NUDT3: variants seen among roughly 807,000 people sequenced by gnomAD.
NUDT3 encodes the protein nudix hydrolase 3, also known as diphosphoinositol polyphosphate phosphohydrolase 1.
A neutral mutation model predicts 23.6 loss-of-function variants in NUDT3; 9 were observed. That is an observed-to-expected ratio of 0.38 (90% CI 0.23 to 0.66). The LOEUF is 0.66. NUDT3 is among the 30% of genes least tolerant of loss of function. The pLI is 0.52. For missense variants in NUDT3, 172 were observed against 218.5 expected (o/e 0.79, Z 1.34); for synonymous variants, 86 against 82.6 (o/e 1.04, Z -0.22).
chr6:34,293,555 GGATA>G lies in NUDT3; in HGVS notation c.256-24_256-21del. 1 of 1,613,824 alleles carries G rather than the reference GGATA, an allele frequency of 6.2e-7. No homozygotes were observed. The highest frequency in any genetic ancestry group is 1.7e-5 in the Admixed American group (1 of 60,004). ...CTGGTTCTGAAGGGCAAAGAGAGAA[GGATA>G]GAGAGAGTTTTTCCTTAGAAAGCTG... On this transcript the variant is annotated intron_variant, in intron 3 of 4. Coordinates refer to ENST00000607016, the MANE Select transcript of NUDT3 (RefSeq NM_006703.4).
In NUDT3 at chr6:34,392,582, C is replaced by A; in HGVS notation, c.-220G>T. ...CTGCCACCGTCACGGCTGCCGTCTC[C>A]GCTGCCGCCAGGGCCGCCGCCCCCT... On this transcript the variant is annotated 5_prime_UTR_variant, in exon 1 of 5. Transcript: ENST00000607016. 3.0e-6 allele frequency: 1 copy of A among 335,314 alleles called. No individual in the cohort carries two copies. The highest frequency in any genetic ancestry group is 4.8e-5 in the East Asian group (1 of 20,640). The allele number at this position is 335,314 out of a possible 1,614,324, so 20.8% of individuals were successfully genotyped here. A position where few individuals can be genotyped will look rare whatever the true frequency, so the allele number is the denominator to read the frequency against.
intron 2 of NUDT3, among the ~76,000 whole-genome samples, chr6:34,338,150 G>A (rs1764236074): frequency 6.6e-6 from 1 of 152,178 alleles, no homozygotes; most frequent in South Asian, 2.1e-4. Context: ...CATTATCCCA[G>A]GTCTGACAGG....
intron 2 of NUDT3, among the ~76,000 whole-genome samples, chr6:34,318,301 T>TA (rs1291364588): frequency 6.6e-6 from 1 of 152,186 alleles, no homozygotes; most frequent in Non-Finnish European, 1.5e-5. Flanking sequence ...GATGGGGTTG[T>TA]AAAAAAATTT....
chr6:34,291,339 T>C (rs766005282), intron 4 of NUDT3, among the ~76,000 whole-genome samples: 2 of 152,074 alleles, frequency 1.3e-5, no homozygotes, highest in Non-Finnish European at 2.9e-5. Context: ...GGGAAAGATA[T>C]CTAGCACAAG....
chr6:34,372,207 T>G (rs1181963941), intron 1 of NUDT3, among the ~76,000 whole-genome samples: 1 of 152,156 alleles, frequency 6.6e-6, no homozygotes, highest in South Asian at 2.1e-4. Flanking sequence ...TAAACATATG[T>G]GTGCATGTGT....
At chr6:34,389,298 T>G (rs942248376) in intron 1 of NUDT3, among the ~76,000 whole-genome samples, 2 of 152,220 alleles carry the variant, frequency 1.3e-5, no homozygotes, top group African/African-American at 4.8e-5. Flanking sequence ...GAGTTCCTCC[T>G]TCCCTTCTCT....
intron 1 of NUDT3, among the ~76,000 whole-genome samples, chr6:34,359,571 A>T (rs1377259770): frequency 6.6e-6 from 1 of 152,214 alleles, no homozygotes; most frequent in East Asian, 1.9e-4. Context: ...CATATTTGAA[A>T]AGTTCATCCA....
At chr6:34,357,938 T>C (rs964736508) in intron 1 of NUDT3, among the ~76,000 whole-genome samples, 1 of 152,212 alleles carries the variant, frequency 6.6e-6, no homozygotes, top group African/African-American at 2.4e-5. Flanking sequence ...TAGTTTTTAA[T>C]GTTTGTACTT....
At chr6:34,289,206 C>G (rs1451242491) in intron 4 of NUDT3, among the ~76,000 whole-genome samples, 1 of 152,198 alleles carries the variant, frequency 6.6e-6, no homozygotes, top group African/African-American at 2.4e-5. Context: ...CCTCCTGCGT[C>G]TCTGAGCTTT....
At chr6:34,352,994 ATTTTT>A (rs1228261650) in intron 1 of NUDT3, among the ~76,000 whole-genome samples, 1 of 152,130 alleles carries the variant, frequency 6.6e-6, no homozygotes, top group Non-Finnish European at 1.5e-5. Flanking sequence ...TCAAACATCT[ATTTTT>A]TTAATAGTAC....
chr6:34,337,103 A>T (rs17696811), intron 2 of NUDT3, among the ~76,000 whole-genome samples: 2,034 of 151,968 alleles, frequency 0.013, 22 homozygotes, highest in Middle Eastern at 0.024. Context: ...TTCTGTAATG[A>T]CATGTTCTCT....
intron 2 of NUDT3, among the ~76,000 whole-genome samples, chr6:34,319,243 A>G (rs978002951): frequency 1.3e-5 from 2 of 152,104 alleles, no homozygotes; most frequent in Admixed American, 6.6e-5. Flanking sequence ...TCAATTCTGA[A>G]TCTATCTACC....
chr6:34,345,080 T>C (rs1247424380), intron 1 of NUDT3, among the ~76,000 whole-genome samples: 1 of 148,248 alleles, frequency 6.7e-6, no homozygotes, highest in Non-Finnish European at 1.5e-5. Flanking sequence ...CGGAGTTTTG[T>C]TCTTGTTGCC....
chr6:34,290,844 G>GA (rs199823038), intron 4 of NUDT3, among the ~76,000 whole-genome samples: 1 of 150,816 alleles, frequency 6.6e-6, no homozygotes, highest in East Asian at 1.9e-4. Flanking sequence ...ACCCAGGCTG[G>GA]AGTACAGCGA....
intron 1 of NUDT3, among the ~76,000 whole-genome samples, chr6:34,344,014 A>T (rs972708507): frequency 6.6e-6 from 1 of 152,230 alleles, no homozygotes; most frequent in Non-Finnish European, 1.5e-5. Context: ...GGATAGCTAT[A>T]ATTCAATCAA....
chr6:34,308,119 C>CAA (rs533055608), intron 2 of NUDT3, among the ~76,000 whole-genome samples: 1 of 60,124 alleles, frequency 1.7e-5, no homozygotes, highest in African/African-American at 7.3e-5. Context: ...AACTCTGTCT[C>CAA]AAAAAAAAAA....
chr6:34,317,706 G>A (rs1355447533), intron 2 of NUDT3, among the ~76,000 whole-genome samples: 1 of 152,084 alleles, frequency 6.6e-6, no homozygotes, highest in Non-Finnish European at 1.5e-5. Context: ...GTTTTATTAG[G>A]TAGCAACAGA....
chr6:34,334,830 G>C (rs902867611), intron 2 of NUDT3, among the ~76,000 whole-genome samples: 1 of 151,878 alleles, frequency 6.6e-6, no homozygotes, highest in Non-Finnish European at 1.5e-5. Context: ...CTACTCAGGG[G>C]GCTGAGGAAG....
chr6:34,339,743 T>C (rs1211036518), intron 2 of NUDT3, among the ~76,000 whole-genome samples: 2 of 152,258 alleles, frequency 1.3e-5, no homozygotes, highest in South Asian at 2.1e-4. Flanking sequence ...AGAGATTGTA[T>C]GGCCTGTATA....
Sources: gnomAD v4.1 joint callset for allele counts (sites outside exome capture counted in the v4.1 genomes callset) on GRCh38, gnomAD v4.1.1 for gene constraint, MANE v1.5 for transcripts, NCBI Gene and HGNC (gene_info 2026-07-23, HGNC 2026-07-21) for gene names.